Variants in SMIM13 observed in about 807,000 individuals in gnomAD.
SMIM13 encodes UPF0766 protein C6orf228.
SMIM13 carries 3 observed loss-of-function variants against 5.9 expected under a neutral mutation model. The observed-to-expected ratio is 0.51, with a 90% CI of 0.23 to 1.31. The LOEUF (loss-of-function observed/expected upper bound fraction) is 1.31. Among genes scored for constraint, SMIM13 ranks in the 40% most tolerant of loss-of-function variants. The pLI, the probability that SMIM13 is intolerant of heterozygous loss-of-function variation, is 0.18. For missense variants in SMIM13, 85 were observed against 109.9 expected (o/e 0.77, Z 1.01); for synonymous variants, 55 against 46.0 (o/e 1.19, Z -0.79).
intron 1 of SMIM13, among the ~76,000 whole-genome samples, chr6:11,122,917 C>A (rs1304902765): frequency 6.6e-6 from 1 of 152,014 alleles, no homozygotes; most frequent in Non-Finnish European, 1.5e-5. Flanking sequence ...TCTCAAAAAA[C>A]ACCCATGTCA....
rs546842353 is a variant in SMIM13 at position 11,107,134 on chromosome 6, G to A, written c.76+12745G>A. Among the ~76,000 whole-genome samples, 8 of 152,274 alleles carry A rather than the reference G, an allele frequency of 5.3e-5. No individual in the cohort carries two copies. The South Asian group carries it at 1.2e-3, about 24-fold the overall frequency. ...CCACCTGAAAACCGTATGTCATGTGGATTATCTAGGAGCTGATCTTTTAAA... is the reference window on the plus strand; with the variant it reads ...CCACCTGAAAACCGTATGTCATGTGAATTATCTAGGAGCTGATCTTTTAAA... On this transcript the variant is annotated intron_variant, in intron 1 of 1. Transcript: ENST00000416247.
chr6:11,101,849 C>T (rs1757998018), intron 1 of SMIM13, among the ~76,000 whole-genome samples: 1 of 151,656 alleles, frequency 6.6e-6, no homozygotes, highest in Non-Finnish European at 1.5e-5. Context: ...AAGTGATTCT[C>T]CTGCCTCAGC....
At chr6:11,096,991 C>G (rs972538543) in intron 1 of SMIM13, among the ~76,000 whole-genome samples, 1 of 152,156 alleles carries the variant, frequency 6.6e-6, no homozygotes, top group Non-Finnish European at 1.5e-5. Flanking sequence ...GTGCCCGTCC[C>G]CAGTGCCTGG....
rs1160361877 is a variant in SMIM13 at position 11,138,289 on chromosome 6, G to C, written c.*3687G>C. Reference sequence around the variant, plus strand: ...AGAACTAAAGCACCTTGTATTGTCTGCTTCTAAAGTGTCCTATAGTTTTTA... The same window carrying C: ...AGAACTAAAGCACCTTGTATTGTCTCCTTCTAAAGTGTCCTATAGTTTTTA... On this transcript the variant is annotated 3_prime_UTR_variant, in exon 2 of 2. Transcript: ENST00000416247. 6.6e-6 allele frequency: 1 copy of C among 152,198 alleles called. No homozygotes were observed. The highest frequency in any genetic ancestry group is 2.4e-5 in the African/African-American group (1 of 41,458). 9.4% of individuals were successfully genotyped at this position (152,198 alleles called of 1,614,324 possible).
At chr6:11,104,304 G>A (rs1561752584) in intron 1 of SMIM13, 1 of 1,551,682 alleles carries the variant, frequency 6.4e-7, no homozygotes, top group Admixed American at 2.0e-5. Context: ...GATTGGTATT[G>A]GAAGAGAGAG....
chr6:11,104,831 T>C (rs752931524), intron 1 of SMIM13: 58 of 1,614,068 alleles, frequency 3.6e-5, no homozygotes, highest in Non-Finnish European at 2.2e-5. Context: ...TGTGGGTGTA[T>C]GTTTGGTAAG....
intron 1 of SMIM13, among the ~76,000 whole-genome samples, chr6:11,101,053 T>C (rs1305449303): frequency 6.6e-6 from 1 of 151,338 alleles, no homozygotes; most frequent in East Asian, 1.9e-4. Flanking sequence ...TTTTTTCTGT[T>C]CTCTCTGAAA....
rs1758498922 is a variant in SMIM13, at chr6:11,134,810, C to T, written c.*208C>T. 7.6e-6 allele frequency: 3 copies of T among 395,552 alleles called. No individual in the cohort carries two copies. The highest frequency in any genetic ancestry group is 7.9e-5 in the South Asian group (1 of 12,582). The allele number at this position is 395,552 out of a possible 1,614,324, so 24.5% of individuals were successfully genotyped here. A position where few individuals can be genotyped will look rare whatever the true frequency, so the allele number is the denominator to read the frequency against. ...TCATCTTAAAGATAATCTTTTGTTT[C>T]ACCAGCTTTCTACTTATACACTTAT... is the stretch of plus-strand genomic sequence containing the variant. On this transcript the variant is annotated 3_prime_UTR_variant, in exon 2 of 2. Coordinates refer to ENST00000416247, the MANE Select transcript of SMIM13 (RefSeq NM_001135575.2).
intron 1 of SMIM13, among the ~76,000 whole-genome samples, chr6:11,113,197 C>T (rs1758192968): frequency 6.6e-6 from 1 of 152,220 alleles, no homozygotes; most frequent in Admixed American, 6.5e-5. Flanking sequence ...TTTCATTTCT[C>T]TTGAGTAACT....
intron 1 of SMIM13, chr6:11,102,718 T>TA (rs972511784): frequency 5.3e-5 from 8 of 152,188 alleles, no homozygotes; most frequent in African/African-American, 1.9e-4. Context: ...AGTCGGGTGT[T>TA]AGTTTGCTTG....
chr6:11,099,575 C>T (rs1049487409), intron 1 of SMIM13, among the ~76,000 whole-genome samples: 1 of 152,336 alleles, frequency 6.6e-6, no homozygotes, highest in South Asian at 2.1e-4. Flanking sequence ...TCCCTGACAC[C>T]TACAGAAGTG....
intron 1 of SMIM13, among the ~76,000 whole-genome samples, chr6:11,096,916 C>T (rs192347007): frequency 1.3e-5 from 2 of 152,324 alleles, no homozygotes; most frequent in Admixed American, 1.3e-4. Flanking sequence ...GTCTCGAACT[C>T]CCAACCTCAG....
chr6:11,112,455 G>T (rs1758182228), intron 1 of SMIM13, among the ~76,000 whole-genome samples: 1 of 152,094 alleles, frequency 6.6e-6, no homozygotes, highest in African/African-American at 2.4e-5. Flanking sequence ...ATTTCACCAT[G>T]GTGGCCAGGC....
chr6:11,109,981 T>TG (rs1758144033), intron 1 of SMIM13, among the ~76,000 whole-genome samples: 2 of 152,288 alleles, frequency 1.3e-5, no homozygotes, highest in East Asian at 3.9e-4. Flanking sequence ...TATGGCAGTG[T>TG]CCCCCATTCA....
chr6:11,116,784 G>A (rs1758244938), intron 1 of SMIM13, among the ~76,000 whole-genome samples: 1 of 151,836 alleles, frequency 6.6e-6, no homozygotes. Context: ...ACCACCTTTG[G>A]TTTAATTGAT....
At chr6:11,125,954 A>G (rs1362628482) in intron 1 of SMIM13, among the ~76,000 whole-genome samples, 1 of 152,186 alleles carries the variant, frequency 6.6e-6, no homozygotes, top group African/African-American at 2.4e-5. Flanking sequence ...TAAGGCCTGT[A>G]ATTCTCAGAT....
chr6:11,130,723 T>G (rs1758442080), intron 1 of SMIM13, among the ~76,000 whole-genome samples: 1 of 152,222 alleles, frequency 6.6e-6, no homozygotes, highest in African/African-American at 2.4e-5. Flanking sequence ...GTGATCTAGC[T>G]GAATGCTCTT....
chr6:11,110,452 T>C (rs1758150533), intron 1 of SMIM13, among the ~76,000 whole-genome samples: 1 of 152,204 alleles, frequency 6.6e-6, no homozygotes, highest in Non-Finnish European at 1.5e-5. Flanking sequence ...ATTTCCCATG[T>C]TCTTTAAGAA....
intron 1 of SMIM13, among the ~76,000 whole-genome samples, chr6:11,095,951 C>T (rs1464562070): frequency 6.6e-6 from 1 of 152,188 alleles, no homozygotes. Flanking sequence ...GAATGTGACA[C>T]GTAGACCCTA....
Sources: gnomAD v4.1 joint callset for allele counts (sites outside exome capture counted in the v4.1 genomes callset) on GRCh38, gnomAD v4.1.1 for gene constraint, MANE v1.5 for transcripts, NCBI Gene and HGNC (gene_info 2026-07-23, HGNC 2026-07-21) for gene names.